Variants in TOR3A observed in about 807,000 individuals in gnomAD.
The protein encoded by TOR3A is torsin-3A.
A neutral mutation model predicts 42.1 loss-of-function variants in TOR3A; 44 were observed. That is an observed-to-expected ratio of 1.04 (90% CI 0.82 to 1.34). The LOEUF is 1.34. Among genes scored for constraint, TOR3A ranks in the 40% most tolerant of loss-of-function variants. The probability of loss-of-function intolerance (pLI) is 0.00; values close to 1 mark genes in which losing one functional copy is unlikely to be tolerated. For missense variants in TOR3A, 521 were observed against 507.6 expected, an observed-to-expected ratio of 1.03 and a Z score of -0.25; for synonymous variants, 227 against 213.2, an observed-to-expected ratio of 1.06 and a Z score of -0.57.
rs1482725226 is a variant in TOR3A at position 179,082,236 on chromosome 1, G to A, written c.108G>A (p.Pro36=). ...GGCCGTGGGAGGGAACCGACGAGCCGGGCTCGGCCTGGGCCTGGCCGGGCT... is the reference window on the plus strand; with the variant it reads ...GGCCGTGGGAGGGAACCGACGAGCCAGGCTCGGCCTGGGCCTGGCCGGGCT... ...ASRPWEGTDE[P]GSAWAWPGFQ... The change falls in exon 1 of 6, where the codon CCG becomes CCA. Residue 36 remains proline, a synonymous_variant. Coordinates refer to ENST00000367627, the MANE Select transcript of TOR3A (RefSeq NM_022371.4). 2 of 1,523,162 alleles carry A rather than the reference G, an allele frequency of 1.3e-6. No homozygotes were observed. The highest frequency in any genetic ancestry group is 2.1e-5 in the Admixed American group (1 of 47,302). 94.4% of individuals were successfully genotyped at this position (1,523,162 alleles called of 1,614,324 possible). A position where few individuals can be genotyped will look rare whatever the true frequency, so the allele number is the denominator to read the frequency against.
rs1652420974 is a variant in TOR3A at position 179,085,832 on chromosome 1, G to GA, written c.578_579insA (p.Cys193Ter). Residue 193 changes from cysteine (C) to a stop codon, truncating the protein, a stop_gained and frameshift_variant, in exon 3 of 6, where the codon TGT (cysteine) becomes TGAT (stop). Coordinates refer to ENST00000367627, the MANE Select transcript of TOR3A (RefSeq NM_022371.4). LOFTEE classifies it high-confidence loss of function. The part of the protein sequence containing the change: ...NLYRDGLMSD[C>*]VRMFIATFHF... ...TATCGGGACGGGCTGATGAGTGACT[G>GA]TGTCAGGATGTTCATCGCCACGTTC... is the stretch of plus-strand genomic sequence containing the variant. 6.2e-7 allele frequency: 1 copy of GA among 1,614,058 alleles called. No individual in the cohort carries two copies. The highest frequency in any genetic ancestry group is 1.7e-5 in the Admixed American group (1 of 60,006).
At chr1:179,094,349 T>C (rs992433994) in intron 5 of TOR3A, 132 bp downstream of exon 5, 15 of 1,176,648 alleles carry the variant, frequency 1.3e-5, no homozygotes, top group Non-Finnish European at 1.7e-5. Flanking sequence ...TCATCTCACA[T>C]TGTCAACCCT....
Position 179,082,086 on chromosome 1 carries a change from G to A in TOR3A, c.-43G>A. ...GACCGCCCCGGGCTTAAGGGAGCCT[G>A]GCTAGGCCGGCAGCCGGATGGTCCC... On this transcript the variant is annotated 5_prime_UTR_variant, in exon 1 of 6. Coordinates refer to ENST00000367627, the MANE Select transcript of TOR3A (RefSeq NM_022371.4). The A allele has an allele frequency of 2.1e-6, 3 of 1,428,664 alleles. No individual in the cohort carries two copies. The South Asian group carries it at 4.5e-5, about 21-fold the overall frequency. The allele number at this position is 1,428,664 out of a possible 1,614,324, so 88.5% of individuals were successfully genotyped here. A position where few individuals can be genotyped will look rare whatever the true frequency, so the allele number is the denominator to read the frequency against.
chr1:179,092,313 T>C (rs1258178797), intron 4 of TOR3A, among the ~76,000 whole-genome samples: 4 of 152,154 alleles, frequency 2.6e-5, no homozygotes, highest in African/African-American at 9.7e-5. Flanking sequence ...GTAGGTGTCA[T>C]GGGGGCTTTC....
chr1:179,090,120 G>A (rs527398324), intron 4 of TOR3A, among the ~76,000 whole-genome samples: 4 of 139,474 alleles, frequency 2.9e-5, no homozygotes, highest in East Asian at 2.6e-4. Flanking sequence ...GTGGGGGGGG[G>A]GGCCTGCGGG....
chr1:179,087,566 G>A (rs989546552), intron 3 of TOR3A, among the ~76,000 whole-genome samples: 49 of 152,206 alleles, frequency 3.2e-4, no homozygotes, highest in African/African-American at 1.1e-3. Flanking sequence ...TCCTGGATGG[G>A]ATGTAGTCCT....
chr1:179,085,534 A>C (rs868678812), intron 2 of TOR3A, 94 bp from the exon 3 acceptor site: 1 of 1,489,938 alleles, frequency 6.7e-7, no homozygotes. Context: ...CACCCGAGAG[A>C]GATTCAGAGT....
At position 179,087,987 on chromosome 1, in the gene TOR3A, A is replaced by C. The variant is rs1395504438; in HGVS notation, c.716A>C (p.Lys239Thr). The change falls in exon 4 of 6, where the codon AAG becomes ACG. Residue 239 changes from lysine to threonine, a missense_variant. Physicochemically the swap from Lys to Thr is moderately conservative, Grantham distance 78 (BLOSUM62 -1). Transcript: ENST00000367627. Reference sequence around the variant, plus strand: ...CTGTTCATCTTCGATGAAGCGGAGAAGCTGCACCCAGGGCTGCTGGAGGTC... The same window carrying C: ...CTGTTCATCTTCGATGAAGCGGAGACGCTGCACCCAGGGCTGCTGGAGGTC... ...QTLFIFDEAE[K>T]LHPGLLEVLG... 27 of 1,613,412 alleles carry C rather than the reference A, an allele frequency of 1.7e-5. No individual in the cohort carries two copies. Among genetic ancestry groups the C allele is most frequent in the Non-Finnish European group, 2.2e-5 (26 of 1,179,748 alleles).
rs562402273 is a variant in TOR3A, at chr1:179,095,152, G to A, written c.1128G>A (p.Glu376=). 131 of 1,614,178 alleles carry A rather than the reference G, an allele frequency of 8.1e-5. 3 individuals carry two copies. In the South Asian group the frequency reaches 1.4e-3, roughly 17 times the overall value. ...IAQMMVYVPK[E]EQLFSSQGCK... is the part of the protein sequence containing the mutation. Reference sequence around the variant, plus strand: ...AGATGATGGTGTATGTCCCCAAGGAGGAACAACTCTTTTCTTCCCAGGGCT... The same window carrying A: ...AGATGATGGTGTATGTCCCCAAGGAAGAACAACTCTTTTCTTCCCAGGGCT... Residue 376 remains glutamate (E), a synonymous_variant, in exon 6 of 6, where the codon GAG becomes GAA. Coordinates refer to ENST00000367627, the MANE Select transcript of TOR3A (RefSeq NM_022371.4).
intron 2 of TOR3A, among the ~76,000 whole-genome samples, 198 bp downstream of exon 2, chr1:179,083,251 T>TATA (rs1652342451): frequency 6.6e-6 from 1 of 152,182 alleles, no homozygotes; most frequent in South Asian, 2.1e-4. Context: ...TCTAGCTTAA[T>TATA]AGCCCAGGCA....
rs1460013806 is a variant in TOR3A, at chr1:179,095,813, A to T, written c.*595A>T. On this transcript the variant is annotated 3_prime_UTR_variant, in exon 6 of 6. Transcript: ENST00000367627. ...TTCTGTTGTGAGCGAATCAGCCAAG[A>T]GCCTGAGGCTGAAGGGAAAAGTACA... The T allele has an allele frequency of 1.0e-6, 1 of 986,776 alleles. No individual in the cohort carries two copies. The highest frequency in any genetic ancestry group is 1.8e-5 in the African/African-American group (1 of 57,100). The allele number at this position is 986,776 out of a possible 1,614,324, so 61.1% of individuals were successfully genotyped here.
At position 179,082,348 on chromosome 1, in the gene TOR3A, G is replaced by A; in HGVS notation, c.220G>A (p.Asp74Asn). The A allele has an allele frequency of 6.2e-7, 1 of 1,605,880 alleles. No individual in the cohort carries two copies. Among genetic ancestry groups the A allele is most frequent in the Non-Finnish European group, 8.5e-7 (1 of 1,177,604 alleles). Residue 74 changes from aspartate (D) to asparagine (N), a missense_variant, in exon 1 of 6, where the codon GAC becomes AAC. Transcript: ENST00000367627. ...TLFSCQVWPD[D>N]CDEDEEAATG... ...CTTCAGCTGCCAGGTGTGGCCCGAC[G>A]ACTGTGACGAGGACGAGGAGGCAGC... is the stretch of plus-strand genomic sequence containing the variant.
In TOR3A at chr1:179,095,143, C is replaced by T. The variant is rs200430738; in HGVS notation, c.1119C>T (p.Val373=). The stretch of plus-strand genomic sequence containing the variant: ...AAATAGCCCAGATGATGGTGTATGT[C>T]CCCAAGGAGGAACAACTCTTTTCTT... ...LDEIAQMMVY[V]PKEEQLFSSQ... is the part of the protein sequence containing the mutation. The change falls in exon 6 of 6, where the codon GTC becomes GTT. Residue 373 remains valine (V), a synonymous_variant. Transcript: ENST00000367627. 1 of 1,614,052 alleles carries T rather than the reference C, an allele frequency of 6.2e-7. No homozygotes were observed. The highest frequency in any genetic ancestry group is 1.7e-5 in the Admixed American group (1 of 59,998).
chr1:179,093,550 A>G (rs1393884210), intron 4 of TOR3A, among the ~76,000 whole-genome samples: 3 of 152,162 alleles, frequency 2.0e-5, no homozygotes, highest in African/African-American at 7.2e-5. Flanking sequence ...TCCATGATCC[A>G]TAAGCTCAAG....
chr1:179,094,001 T>C, intron 4 of TOR3A, 92 bp from the exon 5 acceptor site: 1 of 1,492,948 alleles, frequency 6.7e-7, no homozygotes, highest in Non-Finnish European at 9.0e-7. Flanking sequence ...CCTCTATTCT[T>C]CCAGGCACTA....
chr1:179,089,584 C>T (rs1159270212), intron 4 of TOR3A, among the ~76,000 whole-genome samples: 2 of 152,194 alleles, frequency 1.3e-5, no homozygotes, highest in African/African-American at 4.8e-5. Flanking sequence ...TATTTCCCAC[C>T]TTCGGAGGCA....
At chr1:179,092,630 T>C (rs1358899148) in intron 4 of TOR3A, among the ~76,000 whole-genome samples, 1 of 152,178 alleles carries the variant, frequency 6.6e-6, no homozygotes, top group Non-Finnish European at 1.5e-5. Context: ...GCAGATCAGC[T>C]GAGGTCAGGA....
intron 3 of TOR3A, among the ~76,000 whole-genome samples, chr1:179,087,367 G>A (rs777147388): frequency 9.9e-5 from 15 of 152,188 alleles, no homozygotes; most frequent in East Asian, 5.8e-4. Context: ...CTCTGCACCC[G>A]GGAGTTCAGG....
At chr1:179,092,833 C>CTCTG (rs1572577250) in intron 4 of TOR3A, among the ~76,000 whole-genome samples, 1 of 149,854 alleles carries the variant, frequency 6.7e-6, no homozygotes, top group South Asian at 2.1e-4. Flanking sequence ...AAGAGTGAAA[C>CTCTG]TCTGTCTCAA....
Sources: allele counts gnomAD v4.1 joint callset (sites outside exome capture counted in the v4.1 genomes callset), GRCh38; gene constraint gnomAD v4.1.1; transcripts MANE v1.5; gene names NCBI Gene and HGNC (gene_info 2026-07-23, HGNC 2026-07-21).